Variants in SPOCK1 observed in about 807,000 individuals in gnomAD.
SPOCK1 encodes SPARC (osteonectin), cwcv and kazal like domains proteoglycan 1.
SPOCK1 carries 23 observed loss-of-function variants against 55.3 expected under a neutral mutation model. The ratio of observed to expected loss-of-function variants is 0.42; its 90% CI spans 0.30 to 0.59. SPOCK1 has a LOEUF of 0.59. SPOCK1 is among the 20% of genes least tolerant of loss of function. SPOCK1 has a pLI of 0.22. For missense variants in SPOCK1, 499 were observed against 552.5 expected (o/e 0.90, Z 0.97); for synonymous variants, 226 against 221.0 (o/e 1.02, Z -0.20).
chr5:137,426,036 G>A (rs1224668171), intron 2 of SPOCK1, among the ~76,000 whole-genome samples: 2 of 151,212 alleles, frequency 1.3e-5, no homozygotes, highest in African/African-American at 4.9e-5. Flanking sequence ...CCAGAAATTA[G>A]GTACTACACC....
At chr5:136,991,580 G>C (rs1750948089) in intron 7 of SPOCK1, among the ~76,000 whole-genome samples, 1 of 152,128 alleles carries the variant, frequency 6.6e-6, no homozygotes, top group South Asian at 2.1e-4. Flanking sequence ...AAACAAGCAG[G>C]GGATCAGGTG....
rs113212923 is a variant in SPOCK1 at position 137,323,404 on chromosome 5, A to C, written c.187-56349T>G. ...TTCATACAAAATAGACTTTAAGTCA[A>C]AAACTGTCATAAGAGACAAATAAGA... On this transcript the variant is annotated intron_variant, in intron 2 of 10. Transcript: ENST00000394945. Among the ~76,000 whole-genome samples, 662 of 152,308 alleles carry C rather than the reference A, an allele frequency of 4.3e-3. 6 individuals carry two copies. The highest frequency in any genetic ancestry group is 0.014 in the African/African-American group (594 of 41,548).
chr5:137,230,227 G>T (rs1263036139), intron 3 of SPOCK1, among the ~76,000 whole-genome samples: 1 of 152,198 alleles, frequency 6.6e-6, no homozygotes, highest in Non-Finnish European at 1.5e-5. Flanking sequence ...TAAACTTTGT[G>T]CAAGAGCCTT....
chr5:137,401,140 G>A (rs913199092), intron 2 of SPOCK1, among the ~76,000 whole-genome samples: 5 of 152,092 alleles, frequency 3.3e-5, no homozygotes, highest in Non-Finnish European at 5.9e-5. Flanking sequence ...CCAGCAGGTC[G>A]AGTAATAATG....
At chr5:137,387,524 G>GA (rs1336275969) in intron 2 of SPOCK1, among the ~76,000 whole-genome samples, 1 of 152,228 alleles carries the variant, frequency 6.6e-6, no homozygotes, top group Non-Finnish European at 1.5e-5. Context: ...ATTTCTAAAT[G>GA]AAAGAAGCCA....
At chr5:137,092,372 C>G (rs1753068184) in intron 5 of SPOCK1, among the ~76,000 whole-genome samples, 1 of 152,212 alleles carries the variant, frequency 6.6e-6, no homozygotes, top group East Asian at 1.9e-4. Flanking sequence ...CTGAGATTTA[C>G]AGGAGGAAGA....
At chr5:137,016,911 C>T (rs1362231535) in intron 6 of SPOCK1, among the ~76,000 whole-genome samples, 2 of 152,242 alleles carry the variant, frequency 1.3e-5, no homozygotes, top group African/African-American at 2.4e-5. Context: ...AAACCAGGAA[C>T]AATGGGGCTT....
intron 2 of SPOCK1, among the ~76,000 whole-genome samples, chr5:137,478,455 C>T (rs182913272): frequency 3.3e-5 from 5 of 152,276 alleles, no homozygotes; most frequent in Non-Finnish European, 5.9e-5. Context: ...CTGAGTCCCA[C>T]ATGTCAGAGA....
intron 2 of SPOCK1, among the ~76,000 whole-genome samples, chr5:137,403,215 C>T (rs1752020777): frequency 6.6e-6 from 1 of 152,236 alleles, no homozygotes; most frequent in Non-Finnish European, 1.5e-5. Flanking sequence ...GGCCCTCACA[C>T]CTCCAGTTGA....
At chr5:137,050,705 C>G (rs1752189922) in intron 6 of SPOCK1, among the ~76,000 whole-genome samples, 1 of 152,126 alleles carries the variant, frequency 6.6e-6, no homozygotes, top group African/African-American at 2.4e-5. Context: ...GATAAAAATG[C>G]CCATTATCTG....
chr5:137,495,884 C>G (rs1754289622), intron 2 of SPOCK1, among the ~76,000 whole-genome samples: 1 of 152,122 alleles, frequency 6.6e-6, no homozygotes, highest in African/African-American at 2.4e-5. Flanking sequence ...CAGGTGACTC[C>G]ATACAGCACA....
chr5:137,270,379 T>C (rs1331449474), intron 2 of SPOCK1, among the ~76,000 whole-genome samples: 1 of 152,190 alleles, frequency 6.6e-6, no homozygotes, highest in African/African-American at 2.4e-5. Flanking sequence ...TTAAGTTCAA[T>C]AGCTCCCATT....
intron 3 of SPOCK1, among the ~76,000 whole-genome samples, chr5:137,212,347 A>T (rs548752110): frequency 6.6e-6 from 1 of 152,292 alleles, no homozygotes; most frequent in East Asian, 1.9e-4. Flanking sequence ...TTCAGACTAA[A>T]AATCAGGGAC....
intron 2 of SPOCK1, among the ~76,000 whole-genome samples, chr5:137,350,588 A>G (rs936094902): frequency 1.2e-4 from 19 of 152,222 alleles, no homozygotes; most frequent in Middle Eastern, 3.4e-3. Flanking sequence ...CTCAGCTGCA[A>G]TCATCCAAAA....
chr5:137,448,866 T>TG (rs1388122300), intron 2 of SPOCK1, among the ~76,000 whole-genome samples: 1 of 152,152 alleles, frequency 6.6e-6, no homozygotes, highest in Non-Finnish European at 1.5e-5. Flanking sequence ...CCTCCTCCCG[T>TG]GGGGCAGGGC....
intron 3 of SPOCK1, among the ~76,000 whole-genome samples, chr5:137,198,678 C>G (rs1372930482): frequency 6.6e-6 from 1 of 152,144 alleles, no homozygotes; most frequent in African/African-American, 2.4e-5. Context: ...TATAGTATGG[C>G]TAGCATCTCC....
At chr5:137,208,028 A>C (rs529482425) in intron 3 of SPOCK1, among the ~76,000 whole-genome samples, 1 of 152,080 alleles carries the variant, frequency 6.6e-6, no homozygotes, top group Non-Finnish European at 1.5e-5. Context: ...TCCCTCTCCC[A>C]TTCATCTCCC....
chr5:137,326,844 C>T (rs766794968), intron 2 of SPOCK1, among the ~76,000 whole-genome samples: 2 of 152,124 alleles, frequency 1.3e-5, no homozygotes, highest in Admixed American at 6.5e-5. Flanking sequence ...TCTATCATTC[C>T]GCTGTGTTTA....
intron 3 of SPOCK1, among the ~76,000 whole-genome samples, chr5:137,192,644 A>G (rs1755206733): frequency 6.6e-6 from 1 of 152,224 alleles, no homozygotes; most frequent in Non-Finnish European, 1.5e-5. Context: ...ACATGATGTG[A>G]TTCATACTTT....
Sources: allele counts gnomAD v4.1 joint callset (sites outside exome capture counted in the v4.1 genomes callset), GRCh38; gene constraint gnomAD v4.1.1; transcripts MANE v1.5; gene names NCBI Gene and HGNC (gene_info 2026-07-23, HGNC 2026-07-21).